The following GPC6 variants were observed in gnomAD, a reference collection of about 807,000 sequenced individuals.
GPC6 encodes glypican 6.
Under a neutral mutation model 55.2 loss-of-function variants are expected in GPC6, and 14 were observed. The ratio of observed to expected loss-of-function variants is 0.25; its 90% CI spans 0.17 to 0.40. The LOEUF is 0.40. Ranked by LOEUF, GPC6 falls within the 10% of genes least tolerant of loss-of-function variation. The pLI, the probability that GPC6 is intolerant of heterozygous loss-of-function variation, is 1.00. For synonymous variants in GPC6, 278 were observed against 259.6 expected, an observed-to-expected ratio of 1.07 and a Z score of -0.68; for missense variants, 641 against 708.5, an observed-to-expected ratio of 0.90 and a Z score of 1.08.
intron 1 of GPC6, among the ~76,000 whole-genome samples, chr13:93,363,399 CT>C (rs1473913242): frequency 6.7e-6 from 1 of 150,184 alleles, no homozygotes; most frequent in East Asian, 2.0e-4. Context: ...GTTTTTTGTT[CT>C]TGTGATAGTT....
chr13:93,833,570 AT>A (rs11350011), intron 3 of GPC6, among the ~76,000 whole-genome samples: 87,960 of 150,606 alleles, frequency 0.58, 25,715 homozygotes, highest in African/African-American at 0.6. Flanking sequence ...GATTTGAGTG[AT>A]TTTTTTTTTT....
chr13:93,762,484 T>A (rs563971122), intron 2 of GPC6, among the ~76,000 whole-genome samples: 3 of 152,250 alleles, frequency 2.0e-5, no homozygotes, highest in Middle Eastern at 3.4e-3. Context: ...GGATATAAGG[T>A]TGTCTGCCCA....
At chr13:93,785,032 C>T (rs557191982) in intron 2 of GPC6, among the ~76,000 whole-genome samples, 1 of 152,262 alleles carries the variant, frequency 6.6e-6, no homozygotes, top group South Asian at 2.1e-4. Flanking sequence ...GAAGTAATCT[C>T]ATTCCCCAAG....
At chr13:94,057,150 A>T (rs1884159469) in intron 4 of GPC6, among the ~76,000 whole-genome samples, 2 of 152,202 alleles carry the variant, frequency 1.3e-5, no homozygotes, top group African/African-American at 4.8e-5. Flanking sequence ...TTACATAGTG[A>T]ATGAAATTTA....
In GPC6 at chr13:93,627,168, A is replaced by T. The variant is rs372847572; in HGVS notation, c.319+81747A>T. ...AACCCTCCCCTAGCCCCCACCCCCC[A>T]ATAGGCCCTGGTGTGTGATGTTCCC... On this transcript the variant is annotated intron_variant, in intron 2 of 8. Transcript: ENST00000377047. Among the ~76,000 whole-genome samples the T allele has an allele frequency of 2.0e-5, 3 of 150,924 alleles. No homozygotes were observed. In the East Asian group the frequency reaches 5.9e-4, roughly 30 times the overall value.
intron 2 of GPC6, among the ~76,000 whole-genome samples, chr13:93,717,655 G>A (rs1033238884): frequency 6.6e-6 from 1 of 151,678 alleles, no homozygotes; most frequent in Non-Finnish European, 1.5e-5. Flanking sequence ...GGATACATGT[G>A]CAGAATGTGC....
chr13:93,236,529 C>T (rs1454716715), intron 1 of GPC6, among the ~76,000 whole-genome samples: 3 of 152,124 alleles, frequency 2.0e-5, no homozygotes, highest in Non-Finnish European at 4.4e-5. Flanking sequence ...TCACTGCCTG[C>T]GCTCTGCCTC....
chr13:93,567,052 T>C lies in GPC6; in HGVS notation c.319+21631T>C, dbSNP rs537501116. Among the ~76,000 whole-genome samples, 3 of 152,302 alleles carry C rather than the reference T, an allele frequency of 2.0e-5. No individual in the cohort carries two copies. The South Asian group carries it at 6.2e-4, about 32-fold the overall frequency. On this transcript the variant is annotated intron_variant, in intron 2 of 8. Transcript: ENST00000377047. ...GTGTGCATGTGTCTTTATAGTAGAATGATTTATAATCCTTTGAGTATATAC... is the reference window on the plus strand; with the variant it reads ...GTGTGCATGTGTCTTTATAGTAGAACGATTTATAATCCTTTGAGTATATAC...
chr13:93,946,098 C>G (rs539119170), intron 3 of GPC6, among the ~76,000 whole-genome samples: 1 of 152,286 alleles, frequency 6.6e-6, no homozygotes. Context: ...CCGATCTCCA[C>G]AGTATAATAC....
intron 4 of GPC6, among the ~76,000 whole-genome samples, chr13:94,246,871 T>G (rs1891213343): frequency 6.6e-6 from 1 of 152,084 alleles, no homozygotes; most frequent in South Asian, 2.1e-4. Context: ...TGGTTCTATA[T>G]GAATTTTAGG....
intron 4 of GPC6, among the ~76,000 whole-genome samples, chr13:94,152,299 G>A (rs564801989): frequency 6.6e-6 from 1 of 152,220 alleles, no homozygotes; most frequent in Non-Finnish European, 1.5e-5. Context: ...AGTAAAAAGT[G>A]GATTGGATTT....
intron 4 of GPC6, among the ~76,000 whole-genome samples, chr13:94,212,151 A>C (rs181557255): frequency 6.6e-6 from 1 of 152,336 alleles, no homozygotes; most frequent in African/African-American, 2.4e-5. Flanking sequence ...CATTAATATC[A>C]TAGGCCTGTT....
Position 93,916,437 on chromosome 13 carries a change from T to G in GPC6, c.711+85892T>G, listed in dbSNP as rs942968336. ...AAGAGTTTGTATTTGGCAGAAACTT[T>G]CCTTCGGATGTCTTTCTCAAGAGGA... On this transcript the variant is annotated intron_variant, in intron 3 of 8. Coordinates refer to ENST00000377047, the MANE Select transcript of GPC6 (RefSeq NM_005708.5). 6.6e-5 allele frequency among the ~76,000 whole-genome samples: 10 copies of G among 152,270 alleles called. No individual in the cohort carries two copies. In the East Asian group the frequency reaches 1.6e-3, roughly 24 times the overall value.
At chr13:94,011,764 A>G (rs1178882317) in intron 3 of GPC6, among the ~76,000 whole-genome samples, 1 of 152,166 alleles carries the variant, frequency 6.6e-6, no homozygotes, top group East Asian at 1.9e-4. Flanking sequence ...TCAGTTCTGC[A>G]CTAGCTCTGT....
intron 3 of GPC6, among the ~76,000 whole-genome samples, chr13:93,973,872 A>G (rs1047363032): frequency 6.6e-6 from 1 of 152,180 alleles, no homozygotes; most frequent in African/African-American, 2.4e-5. Flanking sequence ...AAGACAGAGA[A>G]CTAGATTTTA....
chr13:94,053,753 T>C (rs1030921771), intron 4 of GPC6, among the ~76,000 whole-genome samples: 1 of 152,200 alleles, frequency 6.6e-6, no homozygotes, highest in Non-Finnish European at 1.5e-5. Context: ...AGATATTTCT[T>C]TTCCACGATG....
At chr13:93,237,384 CTT>C (rs1353309687) in intron 1 of GPC6, among the ~76,000 whole-genome samples, 1 of 151,852 alleles carries the variant, frequency 6.6e-6, no homozygotes, top group Non-Finnish European at 1.5e-5. Context: ...AAAAACGTCT[CTT>C]CATGTCATTT....
chr13:94,120,568 G>A (rs1456404066), intron 4 of GPC6, among the ~76,000 whole-genome samples: 2 of 151,640 alleles, frequency 1.3e-5, no homozygotes, highest in Non-Finnish European at 2.9e-5. Flanking sequence ...TGAAATCAAT[G>A]TGGGTTTAGC....
At chr13:93,819,191 A>G (rs1299375865) in intron 2 of GPC6, among the ~76,000 whole-genome samples, 1 of 152,172 alleles carries the variant, frequency 6.6e-6, no homozygotes, top group Non-Finnish European at 1.5e-5. Context: ...AGCCTACACA[A>G]TCTTTTGTTC....
Sources: allele counts gnomAD v4.1 joint callset (sites outside exome capture counted in the v4.1 genomes callset), GRCh38; gene constraint gnomAD v4.1.1; transcripts MANE v1.5; gene names NCBI Gene and HGNC (gene_info 2026-07-23, HGNC 2026-07-21).